The following SECISBP2L variants were observed in gnomAD, a reference collection of about 807,000 sequenced individuals.
SECISBP2L encodes selenocysteine insertion sequence-binding protein 2-like.
SECISBP2L carries 43 observed loss-of-function variants against 114.7 expected under a neutral mutation model. That is an observed-to-expected ratio of 0.38 (90% CI 0.29 to 0.48). The LOEUF is 0.48. SECISBP2L is among the 20% of genes least tolerant of loss of function. SECISBP2L has a pLI of 0.98. For missense variants in SECISBP2L, 1,136 were observed against 1,301.1 expected (o/e 0.87, Z 1.95); for synonymous variants, 451 against 439.7 (o/e 1.03, Z -0.32).
chr15:49,034,212 A>G (rs1464760087), intron 3 of SECISBP2L, among the ~76,000 whole-genome samples: 1 of 152,198 alleles, frequency 6.6e-6, no homozygotes, highest in Non-Finnish European at 1.5e-5. Context: ...AATGGAATCT[A>G]GGGAAAGCAT....
In SECISBP2L at chr15:48,988,817, C is replaced by A; in HGVS notation, c.*3427G>T. 4.8e-6 allele frequency: 1 copy of A among 206,580 alleles called. No homozygotes were observed. Among genetic ancestry groups the A allele is most frequent in the Non-Finnish European group, 1.0e-5 (1 of 98,352 alleles). The allele number at this position is 206,580 out of a possible 1,614,324, so 12.8% of individuals were successfully genotyped here. A position where few individuals can be genotyped will look rare whatever the true frequency, so the allele number is the denominator to read the frequency against. On this transcript the variant is annotated 3_prime_UTR_variant, in exon 18 of 18. Coordinates refer to ENST00000559471, the MANE Select transcript of SECISBP2L (RefSeq NM_001193489.2). ...TTGCTAGTTTTTTATTAGAGCATTA[C>A]AATTAAGACATTAAATTATAAACTT...
In SECISBP2L at chr15:48,999,865, C is replaced by T. The variant is rs772356905; in HGVS notation, c.2371G>A (p.Val791Ile). 8 of 1,613,954 alleles carry T rather than the reference C, an allele frequency of 5.0e-6. No individual in the cohort carries two copies. Among genetic ancestry groups the T allele is most frequent in the South Asian group, 1.1e-5 (1 of 91,070 alleles). The part of the protein sequence containing the change: ...RCVNKLVPVS[V>I]VGIFNYFGAE... ...CCAAAGTAGTTGAAGATTCCCACTA[C>T]GCTAACAGGAACCAGCTTGTTCACA... The change falls in exon 16 of 18, where the codon GTA becomes ATA. Residue 791 changes from valine (V) to isoleucine (I), a missense_variant. Transcript: ENST00000559471.
At position 49,037,454 on chromosome 15, in the gene SECISBP2L, T is replaced by G. The variant is rs1315721813; in HGVS notation, c.203+137A>C. ...CTAATCCATATCAACAATTTCCAAA[T>G]TTCAGTATCATTTTATTTACTCCTC... is the stretch of plus-strand genomic sequence containing the variant. On this transcript the variant is annotated intron_variant, in intron 2 of 17. Transcript: ENST00000559471. The G allele has an allele frequency of 6.8e-6, 5 of 738,194 alleles. No individual in the cohort carries two copies. The Admixed American group carries it at 1.6e-4, about 23-fold the overall frequency. 45.7% of individuals were successfully genotyped at this position (738,194 alleles called of 1,614,324 possible). A position where few individuals can be genotyped will look rare whatever the true frequency, so the allele number is the denominator to read the frequency against.
chr15:49,008,238 A>G (rs576869331), intron 14 of SECISBP2L, among the ~76,000 whole-genome samples: 4 of 152,174 alleles, frequency 2.6e-5, no homozygotes, highest in Non-Finnish European at 5.9e-5. Flanking sequence ...TTAGTGCAAA[A>G]AAGTTTGCAG....
chr15:49,039,833 T>C (rs1566863931), intron 1 of SECISBP2L, among the ~76,000 whole-genome samples: 2 of 152,190 alleles, frequency 1.3e-5, no homozygotes, highest in African/African-American at 4.8e-5. Context: ...GGATTTCTTT[T>C]AAAAAACAAA....
chr15:49,040,014 C>T lies in SECISBP2L; in HGVS notation c.25-2245G>A, dbSNP rs189724325. Reference sequence around the variant, plus strand: ...AAATAACACTTTTTCTGACCTCTCCCCCCAAAACATATCAACTCATAAATT... The same window carrying T: ...AAATAACACTTTTTCTGACCTCTCCTCCCAAAACATATCAACTCATAAATT... On this transcript the variant is annotated intron_variant, in intron 1 of 17. Transcript: ENST00000559471. 9.9e-5 allele frequency among the ~76,000 whole-genome samples: 15 copies of T among 152,116 alleles called. No homozygotes were observed. In the East Asian group the frequency reaches 2.5e-3, roughly 25 times the overall value.
intron 15 of SECISBP2L, among the ~76,000 whole-genome samples, chr15:49,000,403 C>CCTA (rs1385242779): frequency 6.6e-6 from 1 of 152,138 alleles, no homozygotes; most frequent in South Asian, 2.1e-4. Flanking sequence ...CATGCATATG[C>CCTA]CTACTACTAC....
At position 49,013,918 on chromosome 15, in the gene SECISBP2L, T is replaced by C. The variant is rs532919391; in HGVS notation, c.1562-1101A>G. ...CTTTTTTCTTGATCCCCTAATAAGA[T>C]GCTAGAATCTTCTATCTAAAAAAAA... On this transcript the variant is annotated intron_variant, in intron 11 of 17. Coordinates refer to ENST00000559471, the MANE Select transcript of SECISBP2L (RefSeq NM_001193489.2). Among the ~76,000 whole-genome samples, 6 of 152,280 alleles carry C rather than the reference T, an allele frequency of 3.9e-5. No individual in the cohort carries two copies. In the East Asian group the frequency reaches 1.2e-3, roughly 29 times the overall value.
chr15:49,046,003 C>T (rs1903240170), intron 1 of SECISBP2L, among the ~76,000 whole-genome samples: 1 of 152,208 alleles, frequency 6.6e-6, no homozygotes. Context: ...AGAGCAGGGA[C>T]AACTTGGAGC....
intron 6 of SECISBP2L, among the ~76,000 whole-genome samples, chr15:49,027,865 T>C (rs1226116581): frequency 6.6e-6 from 1 of 152,166 alleles, no homozygotes; most frequent in Non-Finnish European, 1.5e-5. Flanking sequence ...CACCTCGGCC[T>C]CCCAAAGTTC....
chr15:48,995,378 C>T (rs191062910), intron 17 of SECISBP2L, among the ~76,000 whole-genome samples: 97 of 152,300 alleles, frequency 6.4e-4, no homozygotes, highest in African/African-American at 2.2e-3. Flanking sequence ...GGGCCCACAA[C>T]AGCTTGTTAA....
intron 4 of SECISBP2L, among the ~76,000 whole-genome samples, chr15:49,030,874 A>T (rs929702523): frequency 2.0e-5 from 3 of 152,100 alleles, no homozygotes; most frequent in African/African-American, 7.2e-5. Context: ...ATGGCTTTAC[A>T]AGTTTCCATA....
At chr15:49,026,918 A>G (rs1341266425) in intron 7 of SECISBP2L, among the ~76,000 whole-genome samples, 1 of 152,214 alleles carries the variant, frequency 6.6e-6, no homozygotes, top group African/African-American at 2.4e-5. Flanking sequence ...GCCTCAGGAA[A>G]CTGCTCTGTC....
chr15:49,013,738 A>G (rs1011649288), intron 11 of SECISBP2L, among the ~76,000 whole-genome samples: 13 of 152,154 alleles, frequency 8.5e-5, no homozygotes. Context: ...TATCCAATAT[A>G]AACTTACCAA....
At chr15:49,013,618 T>C (rs1401421479) in intron 11 of SECISBP2L, among the ~76,000 whole-genome samples, 10 of 152,202 alleles carry the variant, frequency 6.6e-5, no homozygotes, top group Non-Finnish European at 1.3e-4. Context: ...TATGTCTGGT[T>C]GATACCCTCA....
At chr15:48,994,842 G>GTAA in intron 17 of SECISBP2L, among the ~76,000 whole-genome samples, 2 of 133,050 alleles carry the variant, frequency 1.5e-5, no homozygotes, top group African/African-American at 5.3e-5. Context: ...AAGTGCTGGG[G>GTAA]AAAAAAAAAA....
At position 49,000,350 on chromosome 15, in the gene SECISBP2L, A is replaced by G. The variant is rs576737563; in HGVS notation, c.2249-363T>C. Reference sequence around the variant, plus strand: ...TCAAGAAAAGATCTCTCACAATGCAATGAGATCGATTACACATTACTGGTC... The same window carrying G: ...TCAAGAAAAGATCTCTCACAATGCAGTGAGATCGATTACACATTACTGGTC... On this transcript the variant is annotated intron_variant, in intron 15 of 17. Transcript: ENST00000559471. 2.6e-5 allele frequency among the ~76,000 whole-genome samples: 4 copies of G among 152,330 alleles called. No homozygotes were observed. The South Asian group carries it at 8.3e-4, about 32-fold the overall frequency.
chr15:49,029,608 T>C (rs1259454700), intron 4 of SECISBP2L, among the ~76,000 whole-genome samples: 1 of 152,188 alleles, frequency 6.6e-6, no homozygotes, highest in East Asian at 1.9e-4. Context: ...ATAGTACTGT[T>C]GACATTGATA....
At chr15:49,009,490 T>C in intron 13 of SECISBP2L, 112 bp from the exon 14 acceptor site, 1 of 1,071,312 alleles carries the variant, frequency 9.3e-7, no homozygotes, top group Non-Finnish European at 1.3e-6. Context: ...ATTTCCAAAT[T>C]TTCCAGAAGC....
Sources: allele counts gnomAD v4.1 joint callset (sites outside exome capture counted in the v4.1 genomes callset), GRCh38; gene constraint gnomAD v4.1.1; transcripts MANE v1.5; gene names NCBI Gene and HGNC (gene_info 2026-07-23, HGNC 2026-07-21).